CSMD1: variants seen among roughly 807,000 people sequenced by gnomAD.
CSMD1 encodes CUB and sushi domain-containing protein 1.
Under a neutral mutation model 417.5 loss-of-function variants are expected in CSMD1, and 213 were observed. The ratio of observed to expected loss-of-function variants is 0.51; its 90% CI spans 0.46 to 0.57. The LOEUF is 0.57. Ranked by LOEUF, CSMD1 falls within the 20% of genes least tolerant of loss-of-function variation. The pLI is 0.00. For synonymous variants in CSMD1, 2,862 were observed against 1,736.8 expected, an observed-to-expected ratio of 1.65 and a Z score of -16.11; for missense variants, 6,923 against 4,529.7, an observed-to-expected ratio of 1.53 and a Z score of -15.17.
chr8:3,734,155 A>G (rs903259419), intron 6 of CSMD1, among the ~76,000 whole-genome samples: 4 of 152,226 alleles, frequency 2.6e-5, no homozygotes, highest in African/African-American at 7.2e-5. Context: ...GGATACTACC[A>G]TTACCAATAT....
intron 11 of CSMD1, among the ~76,000 whole-genome samples, chr8:3,483,023 T>C (rs1179100902): frequency 6.6e-6 from 1 of 151,878 alleles, no homozygotes; most frequent in Non-Finnish European, 1.5e-5. Context: ...CTACATTAGA[T>C]AGAAAAGAAT....
At chr8:3,183,232 ACGATAC>A (rs1563120452) in intron 36 of CSMD1, 1 of 131,826 alleles carries the variant, frequency 7.6e-6, no homozygotes, top group African/African-American at 2.7e-5. Context: ...ACGTTTCTTA[ACGATAC>A]CATCGGCATC....
chr8:4,930,240 T>G (rs1317376644), intron 1 of CSMD1, among the ~76,000 whole-genome samples: 1 of 152,200 alleles, frequency 6.6e-6, no homozygotes, highest in South Asian at 2.1e-4. Flanking sequence ...AGGCATCTCG[T>G]GCTAACTAAT....
chr8:4,041,024 T>TC (rs936850040), intron 3 of CSMD1, among the ~76,000 whole-genome samples: 7 of 143,706 alleles, frequency 4.9e-5, no homozygotes, highest in African/African-American at 1.8e-4. Flanking sequence ...TTCCTTTTTT[T>TC]TTTTTTTTTT....
At chr8:4,917,308 G>T (rs79743708) in intron 1 of CSMD1, among the ~76,000 whole-genome samples, 1 of 152,060 alleles carries the variant, frequency 6.6e-6, no homozygotes, top group African/African-American at 2.4e-5. Flanking sequence ...CTCCAATCAG[G>T]CCCCACCTTC....
chr8:3,044,416 T>TA (rs541021457), intron 50 of CSMD1, among the ~76,000 whole-genome samples: 383 of 152,328 alleles, frequency 2.5e-3, no homozygotes, highest in African/African-American at 8.8e-3. Context: ...TTTGCTCACT[T>TA]ACACCAGAGA....
chr8:4,457,095 T>A (rs1799535979), intron 2 of CSMD1, among the ~76,000 whole-genome samples: 1 of 151,602 alleles, frequency 6.6e-6, no homozygotes, highest in South Asian at 2.1e-4. Context: ...AGAAAAATAA[T>A]ATGACTATCG....
rs1032771898 is a variant in CSMD1, at chr8:3,031,113, A to T, written c.7661-1600T>A. Among the ~76,000 whole-genome samples the T allele has an allele frequency of 2.6e-5, 4 of 152,008 alleles. 1 individual carries two copies. The highest frequency in any genetic ancestry group is 1.5e-5 in the Non-Finnish European group (1 of 67,966). On this transcript the variant is annotated intron_variant, in intron 50 of 69. Coordinates refer to ENST00000635120, the MANE Select transcript of CSMD1 (RefSeq NM_033225.6). ...CAGCCAAAATACTCTTACAATTTCT[A>T]GCAAAACTGTTTCTGAAAAGCCCTT... is the stretch of plus-strand genomic sequence containing the variant.
chr8:3,151,791 T>C (rs1305387339), intron 39 of CSMD1, among the ~76,000 whole-genome samples: 1 of 152,184 alleles, frequency 6.6e-6, no homozygotes, highest in East Asian at 1.9e-4. Context: ...CCATGTAATG[T>C]TTGCGTCACA....
At chr8:4,722,416 G>T (rs185620404) in intron 1 of CSMD1, among the ~76,000 whole-genome samples, 2 of 152,236 alleles carry the variant, frequency 1.3e-5, no homozygotes, top group African/African-American at 4.8e-5. Flanking sequence ...TCTTGACCGA[G>T]TGAAAAGTGA....
At chr8:3,496,643 G>C (rs572582514) in intron 10 of CSMD1, among the ~76,000 whole-genome samples, 148 of 152,166 alleles carry the variant, frequency 9.7e-4, no homozygotes, top group Non-Finnish European at 1.6e-3. Flanking sequence ...TTGGCAAACA[G>C]AGTGAAACCC....
intron 7 of CSMD1, among the ~76,000 whole-genome samples, chr8:3,660,300 G>A (rs183351654): frequency 1.4e-4 from 21 of 152,074 alleles, no homozygotes; most frequent in African/African-American, 3.4e-4. Context: ...TCTGTGAAGC[G>A]GGATGGTAAC....
intron 4 of CSMD1, among the ~76,000 whole-genome samples, chr8:4,017,935 G>T (rs1259238455): frequency 1.3e-5 from 2 of 152,056 alleles, no homozygotes; most frequent in Non-Finnish European, 2.9e-5. Context: ...CATAAAGCTG[G>T]TTGCACACAA....
chr8:3,478,648 C>G (rs555216188), intron 11 of CSMD1, among the ~76,000 whole-genome samples: 55 of 152,208 alleles, frequency 3.6e-4, no homozygotes, highest in African/African-American at 1.3e-3. Context: ...ACAGAAGGAC[C>G]CCAGCAAGCC....
intron 1 of CSMD1, among the ~76,000 whole-genome samples, chr8:4,982,125 T>G (rs1000725099): frequency 1.3e-5 from 2 of 152,184 alleles, no homozygotes; most frequent in African/African-American, 4.8e-5. Context: ...CAGCCAACAC[T>G]TGATGGCTGC....
In CSMD1 at chr8:3,594,445, G is replaced by C. The variant is rs561734256; in HGVS notation, c.1098-8185C>G. On this transcript the variant is annotated intron_variant, in intron 8 of 69. Transcript: ENST00000635120. ...TTCCAAAATGAGTATATGTGTTATG[G>C]ATTAAAAAACCACCACAGCAAAACC... is the stretch of plus-strand genomic sequence containing the variant. 3.3e-5 allele frequency among the ~76,000 whole-genome samples: 5 copies of C among 152,110 alleles called. No individual in the cohort carries two copies. In the East Asian group the frequency reaches 7.7e-4, roughly 23 times the overall value.
At chr8:4,453,759 G>C (rs952498420) in intron 2 of CSMD1, among the ~76,000 whole-genome samples, 3 of 149,314 alleles carry the variant, frequency 2.0e-5, no homozygotes, top group Non-Finnish European at 4.4e-5. Flanking sequence ...GTCCCCATTT[G>C]AGCGAACGCC....
intron 1 of CSMD1, among the ~76,000 whole-genome samples, chr8:4,988,699 A>G (rs576964988): frequency 6.6e-6 from 1 of 152,348 alleles, no homozygotes; most frequent in Admixed American, 6.5e-5. Context: ...CAACTTCCCT[A>G]AAGCACTGAT....
chr8:3,484,361 G>T (rs569362799), intron 11 of CSMD1, among the ~76,000 whole-genome samples: 4 of 152,266 alleles, frequency 2.6e-5, no homozygotes, highest in African/African-American at 9.6e-5. Context: ...AAATGCTACT[G>T]AACAGTTGGA....
Sources: allele counts gnomAD v4.1 joint callset (sites outside exome capture counted in the v4.1 genomes callset), GRCh38; gene constraint gnomAD v4.1.1; transcripts MANE v1.5; gene names NCBI Gene and HGNC (gene_info 2026-07-23, HGNC 2026-07-21).